Variants in TMEM132C observed in about 807,000 individuals in gnomAD.
TMEM132C encodes the protein protein phosphatase 1, regulatory subunit 152.
Under a neutral mutation model 61.4 loss-of-function variants are expected in TMEM132C, and 29 were observed. The observed-to-expected ratio is 0.47, with a 90% CI of 0.35 to 0.64. The LOEUF (loss-of-function observed/expected upper bound fraction) is 0.64, where lower values mean the gene tolerates loss of function less well. TMEM132C is among the 30% of genes least tolerant of loss of function. TMEM132C has a pLI of 0.00. For synonymous variants in TMEM132C, 656 were observed against 633.1 expected (o/e 1.04, Z -0.54); for missense variants, 1,408 against 1,476.9 (o/e 0.95, Z 0.76).
At chr12:128,541,684 G>A (rs1243170983) in intron 2 of TMEM132C, among the ~76,000 whole-genome samples, 1 of 152,194 alleles carries the variant, frequency 6.6e-6, no homozygotes, top group Non-Finnish European at 1.5e-5. Context: ...ATATAAAGGA[G>A]GGGGACTAAA....
At chr12:128,446,473 A>G (rs1190448575) in intron 2 of TMEM132C, among the ~76,000 whole-genome samples, 2 of 152,218 alleles carry the variant, frequency 1.3e-5, no homozygotes, top group African/African-American at 4.8e-5. Context: ...GCAAATGCCA[A>G]ACTTTCCTGA....
chr12:128,388,203 C>A (rs1422314685), intron 1 of TMEM132C, among the ~76,000 whole-genome samples: 1 of 152,128 alleles, frequency 6.6e-6, no homozygotes, highest in Admixed American at 6.5e-5. Flanking sequence ...CGTGGCCAAC[C>A]CAGAGAATAC....
At chr12:128,564,254 G>A (rs1453547852) in intron 3 of TMEM132C, among the ~76,000 whole-genome samples, 1 of 152,166 alleles carries the variant, frequency 6.6e-6, no homozygotes, top group Non-Finnish European at 1.5e-5. Flanking sequence ...ATTGCATTGG[G>A]GGTTAGGGTT....
At chr12:128,485,832 C>T (rs141802596) in intron 2 of TMEM132C, among the ~76,000 whole-genome samples, 9 of 152,280 alleles carry the variant, frequency 5.9e-5, no homozygotes, top group Middle Eastern at 3.4e-3. Flanking sequence ...TGACGGAGGG[C>T]GCGGAGGTTT....
chr12:128,316,685 T>C (rs1434251401), intron 1 of TMEM132C, among the ~76,000 whole-genome samples: 1 of 152,204 alleles, frequency 6.6e-6, no homozygotes, highest in African/African-American at 2.4e-5. Context: ...ACTGTCTCTG[T>C]CCCATTATTT....
intron 3 of TMEM132C, among the ~76,000 whole-genome samples, chr12:128,590,696 A>G (rs1300861617): frequency 6.6e-6 from 1 of 152,192 alleles, no homozygotes; most frequent in Non-Finnish European, 1.5e-5. Flanking sequence ...CAGGCTGTCC[A>G]GGGGCAAGGG....
chr12:128,448,309 A>G (rs1870060583), intron 2 of TMEM132C, among the ~76,000 whole-genome samples: 1 of 152,158 alleles, frequency 6.6e-6, no homozygotes, highest in African/African-American at 2.4e-5. Flanking sequence ...CTATTTCTTT[A>G]CCTTGCAATT....
At chr12:128,511,241 G>A (rs1325376951) in intron 2 of TMEM132C, among the ~76,000 whole-genome samples, 1 of 152,206 alleles carries the variant, frequency 6.6e-6, no homozygotes, top group Admixed American at 6.5e-5. Flanking sequence ...TGCAGCTGCT[G>A]TCATTCGGCC....
intron 2 of TMEM132C, among the ~76,000 whole-genome samples, chr12:128,532,006 C>T (rs1221014678): frequency 6.6e-6 from 1 of 152,214 alleles, no homozygotes; most frequent in Non-Finnish European, 1.5e-5. Context: ...AGTTTCTATG[C>T]AGAGCCCTGC....
chr12:128,337,351 T>C (rs1005185843), intron 1 of TMEM132C, among the ~76,000 whole-genome samples: 2 of 152,198 alleles, frequency 1.3e-5, no homozygotes, highest in Non-Finnish European at 2.9e-5. Context: ...GGGACTCGTG[T>C]TGTGTTCGCA....
At position 128,315,884 on chromosome 12, in the gene TMEM132C, G is replaced by A. The variant is rs187028783; in HGVS notation, c.85+48397G>A. 3.6e-3 allele frequency among the ~76,000 whole-genome samples: 543 copies of A among 151,996 alleles called. 2 individuals are homozygous for A. The highest frequency in any genetic ancestry group is 3.9e-3 in the Non-Finnish European group (263 of 67,968). On this transcript the variant is annotated intron_variant, in intron 1 of 8. Coordinates refer to ENST00000435159, the MANE Select transcript of TMEM132C (RefSeq NM_001136103.3). ...CCCACGGGTGACAAGCACAGCCGGAGCCATCCGAAGCCAGGAGAACGGCAT... is the reference window on the plus strand; with the variant it reads ...CCCACGGGTGACAAGCACAGCCGGAACCATCCGAAGCCAGGAGAACGGCAT...
chr12:128,357,123 C>T (rs117025524), intron 1 of TMEM132C, among the ~76,000 whole-genome samples: 3,776 of 152,174 alleles, frequency 0.025, 58 homozygotes, highest in Non-Finnish European at 0.043. Context: ...GGTCGGGAGC[C>T]CACGTGTCCA....
chr12:128,371,803 T>C lies in TMEM132C; in HGVS notation c.86-42929T>C, dbSNP rs1874035560. On this transcript the variant is annotated intron_variant, in intron 1 of 8. Transcript: ENST00000435159. ...TGTGTTGCCCAGGTTGGTCTCAAAC[T>C]CTTGGCCTCAGGTTATCCTCACTTC... is the stretch of plus-strand genomic sequence containing the variant. Among the ~76,000 whole-genome samples the C allele has an allele frequency of 4.6e-5, 7 of 152,318 alleles. No individual in the cohort carries two copies. The South Asian group carries it at 1.2e-3, about 27-fold the overall frequency.
At chr12:128,458,985 A>T (rs1593061023) in intron 2 of TMEM132C, among the ~76,000 whole-genome samples, 1 of 152,332 alleles carries the variant, frequency 6.6e-6, no homozygotes, top group East Asian at 1.9e-4. Flanking sequence ...TTCTTTTCTT[A>T]TAGAAGAAAT....
intron 1 of TMEM132C, among the ~76,000 whole-genome samples, chr12:128,311,210 C>G (rs1038394680): frequency 1.3e-5 from 2 of 152,228 alleles, no homozygotes; most frequent in African/African-American, 4.8e-5. Context: ...CGGGAGCTCT[C>G]ACTGACAGTC....
intron 1 of TMEM132C, among the ~76,000 whole-genome samples, chr12:128,339,250 G>A (rs1020920665): frequency 6.6e-6 from 1 of 152,024 alleles, no homozygotes; most frequent in African/African-American, 2.4e-5. Context: ...TAGAGGCAAA[G>A]GGGATCAAGT....
At chr12:128,408,098 G>A (rs1280110701) in intron 1 of TMEM132C, among the ~76,000 whole-genome samples, 1 of 152,222 alleles carries the variant, frequency 6.6e-6, no homozygotes. Flanking sequence ...GGCTCAACAG[G>A]AAGGGATGAG....
intron 2 of TMEM132C, among the ~76,000 whole-genome samples, chr12:128,446,942 TAA>T (rs1450302760): frequency 6.8e-4 from 103 of 152,008 alleles, no homozygotes; most frequent in African/African-American, 2.1e-3. Flanking sequence ...AGGCCTAGAG[TAA>T]GGTAGGAGAA....
At chr12:128,394,345 C>T (rs1477912644) in intron 1 of TMEM132C, among the ~76,000 whole-genome samples, 1 of 152,152 alleles carries the variant, frequency 6.6e-6, no homozygotes, top group Admixed American at 6.5e-5. Context: ...CAAGAACATA[C>T]GGATTCCAGA....
Sources: gnomAD v4.1 joint callset for allele counts (sites outside exome capture counted in the v4.1 genomes callset) on GRCh38, gnomAD v4.1.1 for gene constraint, MANE v1.5 for transcripts, NCBI Gene and HGNC (gene_info 2026-07-23, HGNC 2026-07-21) for gene names.